The following TLN2 variants were observed in gnomAD, a reference collection of about 807,000 sequenced individuals.
TLN2 encodes talin 2, also known as talin-2.
TLN2 carries 118 observed loss-of-function variants against 294.7 expected under a neutral mutation model. That is an observed-to-expected ratio of 0.40 (90% CI 0.34 to 0.47). The LOEUF is 0.47. Ranked by LOEUF, TLN2 falls within the 20% of genes least tolerant of loss-of-function variation. The pLI is 0.84. For synonymous variants in TLN2, 1,431 were observed against 1,304.5 expected, an observed-to-expected ratio of 1.10 and a Z score of -2.09; for missense variants, 3,083 against 3,282.2, an observed-to-expected ratio of 0.94 and a Z score of 1.48.
At chr15:62,399,633 A>G (rs1422513852) in intron 1 of TLN2, among the ~76,000 whole-genome samples, 1 of 152,260 alleles carries the variant, frequency 6.6e-6, no homozygotes, top group Admixed American at 6.5e-5. Context: ...GATGTGAGAC[A>G]TGGAGTCAAA....
chr15:62,465,450 A>G (rs1566997043), intron 1 of TLN2, among the ~76,000 whole-genome samples: 1 of 152,184 alleles, frequency 6.6e-6, no homozygotes, highest in Non-Finnish European at 1.5e-5. Flanking sequence ...TAGTCAGGCC[A>G]GTTATATTCC....
At chr15:62,459,194 G>T (rs2036653518) in intron 1 of TLN2, among the ~76,000 whole-genome samples, 1 of 151,754 alleles carries the variant, frequency 6.6e-6, no homozygotes, top group South Asian at 2.1e-4. Context: ...TAGAGACAGG[G>T]TTTCACCATG....
chr15:62,644,142 C>G (rs1004554763), intron 3 of TLN2, among the ~76,000 whole-genome samples: 1 of 151,678 alleles, frequency 6.6e-6, no homozygotes, highest in African/African-American at 2.4e-5. Context: ...ACTCCAGGCT[C>G]TCCCCCGCGC....
At chr15:62,807,033 G>A (rs913118902) in intron 51 of TLN2, among the ~76,000 whole-genome samples, 3 of 152,086 alleles carry the variant, frequency 2.0e-5, no homozygotes, top group African/African-American at 7.2e-5. Flanking sequence ...ACCCCTGGGT[G>A]TGATGAAGGG....
Position 62,752,386 on chromosome 15 carries a change from G to A in TLN2, c.4291G>A (p.Ala1431Thr). The A allele has an allele frequency of 6.2e-7, 1 of 1,614,178 alleles. No homozygotes were observed. ...TGCCTTTGGGGAATGTGTGGGGATT[G>A]CATCCAAGGCTCTCTGTGGGCTGAC... is the stretch of plus-strand genomic sequence containing the variant. ...LPAFGECVGI[A>T]SKALCGLTEA... is the part of the protein sequence containing the mutation. The change falls in exon 35 of 59, where the codon GCA (alanine) becomes ACA (threonine). Residue 1431 changes from alanine to threonine, a missense_variant. Transcript: ENST00000636159.
Position 62,694,320 on chromosome 15 carries a change from A to C in TLN2, c.1220A>C (p.Gln407Pro). 1 of 1,614,082 alleles carries C rather than the reference A, an allele frequency of 6.2e-7. No homozygotes were observed. The highest frequency in any genetic ancestry group is 8.5e-7 in the Non-Finnish European group (1 of 1,179,964). The change falls in exon 14 of 59, where the codon CAA (glutamine) becomes CCA (proline). Residue 407 changes from glutamine to proline, a missense_variant. Transcript: ENST00000636159. ...GYIDIILKKK[Q>P]SKDRFGLEGD... ...CTTGTTTTATTGCATTTCCAGAAAC[A>C]AAGTAAAGATCGATTTGGACTAGAA...
Position 62,677,806 on chromosome 15 carries a change from C to CTTTTTTTTTTTTTTTTTTTT in TLN2, c.957+2500_957+2501insTTTTTTTTTTTTTTTTTTTT, listed in dbSNP as rs3055781. On this transcript the variant is annotated intron_variant, in intron 11 of 58. Transcript: ENST00000636159. Reference sequence around the variant, plus strand: ...TTAAGAAAGTAGGCAGCACTTGCAACTTTTTTTTTTTTTTTGAGACGGAGA... The same window carrying CTTTTTTTTTTTTTTTTTTTT: ...TTAAGAAAGTAGGCAGCACTTGCAACTTTTTTTTTTTTTTTTTTTTTTTTTTTTTTTTTTTGAGACGGAGA... Among the ~76,000 whole-genome samples, 44 of 75,266 alleles carry CTTTTTTTTTTTTTTTTTTTT rather than the reference C, an allele frequency of 5.8e-4. 12 individuals carry two copies. Among genetic ancestry groups the CTTTTTTTTTTTTTTTTTTTT allele is most frequent in the East Asian group, 1.4e-3 (3 of 2,106 alleles). 49.4% of individuals were successfully genotyped at this position (75,266 alleles called of 152,430 possible). A position where few individuals can be genotyped will look rare whatever the true frequency, so the allele number is the denominator to read the frequency against.
At chr15:62,807,596 G>T (rs1357708327) in intron 51 of TLN2, among the ~76,000 whole-genome samples, 1 of 152,192 alleles carries the variant, frequency 6.6e-6, no homozygotes, top group Non-Finnish European at 1.5e-5. Flanking sequence ...TGATTAAATG[G>T]TCTTTTTAAA....
intron 46 of TLN2, among the ~76,000 whole-genome samples, chr15:62,794,565 C>T (rs116854083): frequency 0.012 from 1,856 of 152,328 alleles, 20 homozygotes; most frequent in Middle Eastern, 0.071. Context: ...GCCTTTGTCA[C>T]CCATCCTCTG....
chr15:62,400,363 T>C (rs2032931215), intron 1 of TLN2, among the ~76,000 whole-genome samples: 1 of 152,248 alleles, frequency 6.6e-6, no homozygotes, highest in Non-Finnish European at 1.5e-5. Flanking sequence ...TCAAGGGACA[T>C]TTAATGCAAT....
At position 62,436,866 on chromosome 15, in the gene TLN2, G is replaced by A. The variant is rs117089119; in HGVS notation, c.-238+46181G>A. Among the ~76,000 whole-genome samples the A allele has an allele frequency of 8.7e-4, 132 of 152,316 alleles. 1 individual carries two copies. The East Asian group carries it at 0.02, about 23-fold the overall frequency. ...GGCTTCTGAGTAGCTGGGACTACAA[G>A]CATGCATGCACCATCGTGCCTGGCT... On this transcript the variant is annotated intron_variant, in intron 1 of 58. Coordinates refer to ENST00000636159, the MANE Select transcript of TLN2 (RefSeq NM_015059.3).
chr15:62,728,558 T>C (rs559840902), intron 28 of TLN2, among the ~76,000 whole-genome samples: 6 of 152,332 alleles, frequency 3.9e-5, no homozygotes, highest in African/African-American at 9.6e-5. Context: ...TCTATCCTTG[T>C]CACCACTTTG....
At chr15:62,723,531 G>A (rs1162012656) in intron 26 of TLN2, among the ~76,000 whole-genome samples, 1 of 131,364 alleles carries the variant, frequency 7.6e-6, no homozygotes, top group Non-Finnish European at 1.6e-5. Context: ...AAGACACACT[G>A]TGAAAACTTT....
At chr15:62,778,200 G>T (rs2063852673) in intron 43 of TLN2, among the ~76,000 whole-genome samples, 1 of 152,218 alleles carries the variant, frequency 6.6e-6, no homozygotes, top group Non-Finnish European at 1.5e-5. Context: ...AGGGTGGAAT[G>T]CTGCGTCTCC....
intron 52 of TLN2, among the ~76,000 whole-genome samples, chr15:62,813,188 T>C (rs951500953): frequency 4.6e-5 from 7 of 152,248 alleles, no homozygotes; most frequent in African/African-American, 1.7e-4. Flanking sequence ...TGATTGATTT[T>C]CTGTTATGGA....
chr15:62,833,476 A>G (rs2069098659), intron 54 of TLN2, 28 bp from the exon 55 acceptor site: 3 of 1,610,740 alleles, frequency 1.9e-6, no homozygotes, highest in African/African-American at 1.3e-5. Flanking sequence ...TATGAATTGA[A>G]TGTGATGCTG....
chr15:62,605,620 G>C (rs2047368021), intron 2 of TLN2, among the ~76,000 whole-genome samples: 1 of 145,560 alleles, frequency 6.9e-6, no homozygotes, highest in Admixed American at 7.1e-5. Context: ...TCCGGTACTT[G>C]ACCTGCCAGC....
intron 9 of TLN2, among the ~76,000 whole-genome samples, chr15:62,672,109 T>C (rs1042734429): frequency 2.6e-5 from 4 of 152,230 alleles, no homozygotes; most frequent in African/African-American, 9.6e-5. Flanking sequence ...TTTTGTCTTA[T>C]AGCCGTTGAA....
At chr15:62,517,979 G>C (rs1002653441) in intron 1 of TLN2, among the ~76,000 whole-genome samples, 7 of 151,928 alleles carry the variant, frequency 4.6e-5, no homozygotes, top group Non-Finnish European at 1.0e-4. Flanking sequence ...TGTGTGGAAC[G>C]AGAGTAAAGC....
Sources: allele counts gnomAD v4.1 joint callset (sites outside exome capture counted in the v4.1 genomes callset), GRCh38; gene constraint gnomAD v4.1.1; transcripts MANE v1.5; gene names NCBI Gene and HGNC (gene_info 2026-07-23, HGNC 2026-07-21).